Variants in CDK14 observed in about 807,000 individuals in gnomAD.
The protein encoded by CDK14 is cyclin dependent kinase 14.
Under a neutral mutation model 60.7 loss-of-function variants are expected in CDK14, and 34 were observed. The observed-to-expected ratio is 0.56, with a 90% CI of 0.43 to 0.75. The LOEUF (loss-of-function observed/expected upper bound fraction) is 0.75. Ranked by LOEUF, CDK14 falls within the 30% of genes least tolerant of loss-of-function variation. The pLI is 0.00. For synonymous variants in CDK14, 197 were observed against 203.7 expected (o/e 0.97, Z 0.28); for missense variants, 482 against 564.1 (o/e 0.85, Z 1.47).
At chr7:90,679,780 A>G (rs1343285823) in intron 2 of CDK14, among the ~76,000 whole-genome samples, 1 of 152,230 alleles carries the variant, frequency 6.6e-6, no homozygotes, top group Admixed American at 6.5e-5. Flanking sequence ...GCTATGCTGT[A>G]TGATTTCTTG....
At chr7:90,630,898 G>GTGTGTGTGTGTGTT (rs1799981707) in intron 2 of CDK14, among the ~76,000 whole-genome samples, 1 of 151,688 alleles carries the variant, frequency 6.6e-6, no homozygotes, top group South Asian at 2.1e-4. Context: ...ATGTGTGTGT[G>GTGTGTGTGTGTGTT]TGTGTGTGTG....
chr7:90,696,471 G>A (rs991426482), intron 2 of CDK14, among the ~76,000 whole-genome samples: 4 of 151,762 alleles, frequency 2.6e-5, no homozygotes, highest in Middle Eastern at 3.4e-3. Context: ...CTCCCGAGTA[G>A]CTGGGATTAC....
intron 6 of CDK14, among the ~76,000 whole-genome samples, chr7:90,885,094 ATTAAAC>A (rs1010651647): frequency 2.4e-4 from 36 of 152,234 alleles, no homozygotes; most frequent in Admixed American, 7.8e-4. Flanking sequence ...ATGGGAACTA[ATTAAAC>A]TTAAGAGCTT....
chr7:91,067,776 T>A (rs1294569671), intron 11 of CDK14, among the ~76,000 whole-genome samples: 1 of 152,198 alleles, frequency 6.6e-6, no homozygotes, highest in African/African-American at 2.4e-5. Context: ...TGGAAAAAAA[T>A]TATATTAGCA....
At chr7:91,191,879 G>A (rs1802374097) in intron 14 of CDK14, among the ~76,000 whole-genome samples, 1 of 152,016 alleles carries the variant, frequency 6.6e-6, no homozygotes, top group Non-Finnish European at 1.5e-5. Context: ...CAGAGAACTG[G>A]AGCAATTCTG....
chr7:91,036,058 T>A (rs1008242720), intron 10 of CDK14, among the ~76,000 whole-genome samples: 3 of 152,126 alleles, frequency 2.0e-5, no homozygotes, highest in African/African-American at 7.2e-5. Flanking sequence ...TTAGCCAGGA[T>A]GGTCTCGATC....
chr7:90,886,074 T>C (rs564519926), intron 6 of CDK14, among the ~76,000 whole-genome samples: 1 of 152,326 alleles, frequency 6.6e-6, no homozygotes, highest in African/African-American at 2.4e-5. Context: ...TTAAAATTCT[T>C]AAAACAAATT....
intron 2 of CDK14, among the ~76,000 whole-genome samples, chr7:90,670,313 G>A (rs1441684066): frequency 6.6e-6 from 1 of 152,166 alleles, no homozygotes; most frequent in Non-Finnish European, 1.5e-5. Flanking sequence ...ATTTCATGGA[G>A]AAGGTATTGT....
chr7:90,846,265 G>A (rs1393973099), intron 5 of CDK14, among the ~76,000 whole-genome samples: 1 of 152,060 alleles, frequency 6.6e-6, no homozygotes, highest in Non-Finnish European at 1.5e-5. Flanking sequence ...TCCACACTTG[G>A]CTCCATTGGG....
intron 14 of CDK14, among the ~76,000 whole-genome samples, chr7:91,138,293 G>A (rs907780727): frequency 4.6e-5 from 7 of 152,078 alleles, no homozygotes; most frequent in African/African-American, 1.4e-4. Context: ...AGCCCATTTT[G>A]TGATTTCGTG....
intron 2 of CDK14, among the ~76,000 whole-genome samples, chr7:90,653,429 A>G (rs1353010918): frequency 6.6e-6 from 1 of 151,692 alleles, no homozygotes; most frequent in Non-Finnish European, 1.5e-5. Context: ...TGTTGGCTCC[A>G]TCTCTCTGTG....
intron 14 of CDK14, among the ~76,000 whole-genome samples, chr7:91,143,894 C>G (rs142536049): frequency 6.6e-6 from 1 of 152,282 alleles, no homozygotes; most frequent in East Asian, 1.9e-4. Flanking sequence ...TCCTTCATGT[C>G]CTCAATGTCT....
intron 14 of CDK14, among the ~76,000 whole-genome samples, chr7:91,174,440 G>A (rs1340327999): frequency 2.6e-5 from 4 of 151,562 alleles, no homozygotes; most frequent in Non-Finnish European, 5.9e-5. Flanking sequence ...ACCAGCAACG[G>A]AACAAAGCTG....
chr7:90,843,361 G>A (rs1356691113), intron 5 of CDK14, among the ~76,000 whole-genome samples: 2 of 152,042 alleles, frequency 1.3e-5, no homozygotes, highest in Non-Finnish European at 1.5e-5. Flanking sequence ...AAATTTTGCA[G>A]CTTTATTAGA....
chr7:90,994,596 G>A (rs1795628102), intron 10 of CDK14, among the ~76,000 whole-genome samples: 1 of 152,160 alleles, frequency 6.6e-6, no homozygotes, highest in Non-Finnish European at 1.5e-5. Context: ...GCTTTGTAGG[G>A]AAAAACTCCA....
intron 10 of CDK14, among the ~76,000 whole-genome samples, chr7:90,999,792 C>T (rs1209649615): frequency 6.6e-6 from 1 of 152,168 alleles, no homozygotes; most frequent in African/African-American, 2.4e-5. Flanking sequence ...ACACAAAACT[C>T]AGCAACTTTT....
intron 5 of CDK14, among the ~76,000 whole-genome samples, chr7:90,861,376 G>C (rs1791004333): frequency 6.6e-6 from 1 of 152,282 alleles, no homozygotes; most frequent in Middle Eastern, 3.4e-3. Flanking sequence ...TTAAGAGACA[G>C]CAACAAGCCT....
At chr7:91,051,811 T>C (rs1227039801) in intron 11 of CDK14, among the ~76,000 whole-genome samples, 1 of 152,218 alleles carries the variant, frequency 6.6e-6, no homozygotes, top group East Asian at 1.9e-4. Flanking sequence ...CCAGGATCAC[T>C]TTCTTCTACC....
At chr7:91,011,441 G>A (rs913333128) in intron 10 of CDK14, among the ~76,000 whole-genome samples, 1 of 152,030 alleles carries the variant, frequency 6.6e-6, no homozygotes, top group Non-Finnish European at 1.5e-5. Context: ...TTATATTTTT[G>A]TGCTTGGCGT....
Sources: allele counts gnomAD v4.1 joint callset (sites outside exome capture counted in the v4.1 genomes callset), GRCh38; gene constraint gnomAD v4.1.1; transcripts MANE v1.5; gene names NCBI Gene and HGNC (gene_info 2026-07-23, HGNC 2026-07-21).